The following PCDH15 variants were observed in gnomAD, a reference collection of about 807,000 sequenced individuals.
PCDH15 encodes the protein protocadherin-15.
Under a neutral mutation model 178.5 loss-of-function variants are expected in PCDH15, and 129 were observed. The ratio of observed to expected loss-of-function variants is 0.72; its 90% CI spans 0.63 to 0.84. The LOEUF is 0.84. Among genes scored for constraint, PCDH15 ranks in the 40% least tolerant of loss-of-function variants. PCDH15 has a pLI of 0.00. For synonymous variants in PCDH15, 800 were observed against 732.0 expected, an observed-to-expected ratio of 1.09 and a Z score of -1.50; for missense variants, 2,230 against 2,099.9, an observed-to-expected ratio of 1.06 and a Z score of -1.21.
intron 2 of PCDH15, among the ~76,000 whole-genome samples, chr10:54,957,781 T>C (rs1330455647): frequency 6.6e-6 from 1 of 151,684 alleles, no homozygotes; most frequent in East Asian, 1.9e-4. Flanking sequence ...AAACTTATAA[T>C]TGATATAGGA....
At chr10:55,367,983 C>T (rs1275801095) in intron 2 of PCDH15, among the ~76,000 whole-genome samples, 1 of 152,126 alleles carries the variant, frequency 6.6e-6, no homozygotes, top group Non-Finnish European at 1.5e-5. Context: ...CCATTACACA[C>T]ACGCTTTTCT....
chr10:55,023,030 C>G (rs1840377467), intron 2 of PCDH15, among the ~76,000 whole-genome samples: 1 of 152,164 alleles, frequency 6.6e-6, no homozygotes, highest in Non-Finnish European at 1.5e-5. Flanking sequence ...CAAGCTCCGC[C>G]TCCCAAATTC....
chr10:55,468,050 G>A lies in PCDH15; in HGVS notation c.-156+159575C>T, dbSNP rs113899254. Among the ~76,000 whole-genome samples, 712 of 150,172 alleles carry A rather than the reference G, an allele frequency of 4.7e-3. 4 individuals are homozygous for A. The highest frequency in any genetic ancestry group is 7.5e-3 in the Non-Finnish European group (511 of 67,778). On this transcript the variant is annotated intron_variant, in intron 2 of 5. Coordinates refer to the PCDH15 transcript ENST00000613346. ...TCCACCCGATGGTCGTTTCTTAACT[G>A]AGAGAATCATATCCTCAAAGAATAA...
chr10:55,132,039 C>A (rs1269806010), intron 2 of PCDH15, among the ~76,000 whole-genome samples: 2 of 152,104 alleles, frequency 1.3e-5, no homozygotes, highest in Non-Finnish European at 1.5e-5. Context: ...TGGGTGCCTG[C>A]AGCTGTACCC....
intron 1 of PCDH15, among the ~76,000 whole-genome samples, chr10:55,277,964 G>A (rs1439096919): frequency 6.6e-6 from 1 of 152,014 alleles, no homozygotes; most frequent in East Asian, 1.9e-4. Context: ...ACAGTCATTA[G>A]GACTAGCTAA....
chr10:54,701,320 A>G (rs2095306415), intron 1 of PCDH15, among the ~76,000 whole-genome samples: 1 of 152,060 alleles, frequency 6.6e-6, no homozygotes, highest in Non-Finnish European at 1.5e-5. Flanking sequence ...TTAAATATGG[A>G]AAGGAAAGAC....
At chr10:54,220,807 A>C (rs973105033) in intron 9 of PCDH15, among the ~76,000 whole-genome samples, 1 of 151,480 alleles carries the variant, frequency 6.6e-6, no homozygotes. Context: ...CCTGGGCGAC[A>C]GAGCGAGACT....
chr10:55,009,096 A>T (rs1474939356), intron 2 of PCDH15, among the ~76,000 whole-genome samples: 2 of 152,176 alleles, frequency 1.3e-5, no homozygotes, highest in South Asian at 4.1e-4. Flanking sequence ...AACTACACAT[A>T]AAACAAAGCC....
chr10:54,306,541 T>C (rs2060482231), intron 8 of PCDH15, among the ~76,000 whole-genome samples: 1 of 152,020 alleles, frequency 6.6e-6, no homozygotes, highest in Non-Finnish European at 1.5e-5. Context: ...ACTTAAAGCC[T>C]TCAACTGACT....
chr10:54,100,054 G>A (rs2094780295), intron 15 of PCDH15, among the ~76,000 whole-genome samples: 1 of 152,106 alleles, frequency 6.6e-6, no homozygotes, highest in African/African-American at 2.4e-5. Flanking sequence ...ATACACTTCA[G>A]AATTCCATTC....
At chr10:54,502,632 G>C (rs150686616) in intron 3 of PCDH15, among the ~76,000 whole-genome samples, 1 of 152,066 alleles carries the variant, frequency 6.6e-6, no homozygotes, top group African/African-American at 2.4e-5. Flanking sequence ...TGTACTTGTT[G>C]GATGACTGTA....
intron 18 of PCDH15, among the ~76,000 whole-genome samples, chr10:54,062,242 AAAAAAAAAAACAAAAAAC>A (rs1169318596): frequency 2.5e-4 from 31 of 124,754 alleles, no homozygotes; most frequent in Middle Eastern, 7.6e-3. Flanking sequence ...AAAAAAAAAA[AAAAAAAAAAACAAAAAAC>A]AACTAAATGA....
At position 55,442,485 on chromosome 10, in the gene PCDH15, A is replaced by ATATATATATATTATATATATAT. The variant is rs1554869646; in HGVS notation, c.-156+185139_-156+185140insATATATATATAATATATATATA. Among the ~76,000 whole-genome samples the ATATATATATATTATATATATAT allele has an allele frequency of 1.9e-3, 171 of 91,740 alleles. 1 individual carries two copies. The highest frequency in any genetic ancestry group is 6.5e-3 in the African/African-American group (167 of 25,502). The allele number at this position is 91,740 out of a possible 152,430, so 60.2% of individuals were successfully genotyped here. ...TATATATATATTATATATATATTAT[A>ATATATATATATTATATATATAT]TATATATATATATATGTAAGCTGGG... On this transcript the variant is annotated intron_variant, in intron 2 of 5. Transcript: ENST00000613346.
chr10:54,408,637 G>A (rs1245458736), intron 3 of PCDH15, among the ~76,000 whole-genome samples: 7 of 152,104 alleles, frequency 4.6e-5, no homozygotes, highest in South Asian at 2.1e-4. Context: ...TTTCTGAACC[G>A]CATAACTGAG....
At chr10:55,120,540 C>T (rs1398080940) in intron 2 of PCDH15, among the ~76,000 whole-genome samples, 3 of 151,330 alleles carry the variant, frequency 2.0e-5, no homozygotes, top group Non-Finnish European at 4.4e-5. Context: ...GAAGAGATCC[C>T]GGAAATGTAA....
chr10:55,240,945 G>C (rs1250000695), intron 1 of PCDH15, among the ~76,000 whole-genome samples: 2 of 152,130 alleles, frequency 1.3e-5, no homozygotes, highest in Non-Finnish European at 2.9e-5. Flanking sequence ...GACCGGGCAC[G>C]GTGGCTCAGG....
chr10:54,088,450 C>T (rs999390101), intron 16 of PCDH15, among the ~76,000 whole-genome samples: 1 of 152,066 alleles, frequency 6.6e-6, no homozygotes, highest in Non-Finnish European at 1.5e-5. Flanking sequence ...ATTCTTGAGA[C>T]ATGTTTCACA....
At chr10:55,167,971 G>T (rs759273077) in intron 1 of PCDH15, among the ~76,000 whole-genome samples, 6 of 151,916 alleles carry the variant, frequency 3.9e-5, no homozygotes, top group Admixed American at 6.6e-5. Context: ...GATATATAAA[G>T]ATCTCTACAT....
chr10:54,369,472 G>C (rs557694291), intron 4 of PCDH15, among the ~76,000 whole-genome samples, 197 bp from the exon 5 acceptor site: 4 of 151,868 alleles, frequency 2.6e-5, no homozygotes, highest in Admixed American at 1.3e-4. Flanking sequence ...GTATCTCAGC[G>C]TGTGGAATTC....
Sources: allele counts gnomAD v4.1 joint callset (sites outside exome capture counted in the v4.1 genomes callset), GRCh38; gene constraint gnomAD v4.1.1; transcripts MANE v1.5; gene names NCBI Gene and HGNC (gene_info 2026-07-23, HGNC 2026-07-21).